Variants in KIF24 observed in about 807,000 individuals in gnomAD.
KIF24 encodes the protein kinesin-like protein KIF24.
In KIF24, 81 loss-of-function variants were observed where a neutral mutation model predicts 118.9. That is an observed-to-expected ratio of 0.68 (90% CI 0.57 to 0.82). The LOEUF (loss-of-function observed/expected upper bound fraction) is 0.82. Among genes scored for constraint, KIF24 ranks in the 40% least tolerant of loss-of-function variants. KIF24 has a pLI of 0.00. For missense variants in KIF24, 1,560 were observed against 1,661.6 expected, an observed-to-expected ratio of 0.94 and a Z score of 1.06; for synonymous variants, 599 against 610.0, an observed-to-expected ratio of 0.98 and a Z score of 0.27.
chr9:34,324,410 C>T (rs986002043), intron 1 of KIF24, among the ~76,000 whole-genome samples: 3 of 152,174 alleles, frequency 2.0e-5, no homozygotes, highest in Non-Finnish European at 4.4e-5. Context: ...AATCCCAAAA[C>T]TAATCAATAG....
chr9:34,260,540 G>A (rs918575216), intron 9 of KIF24, among the ~76,000 whole-genome samples: 2 of 152,182 alleles, frequency 1.3e-5, no homozygotes, highest in African/African-American at 2.4e-5. Context: ...GTTCACTAAC[G>A]TAGCAGTGTG....
intron 6 of KIF24, among the ~76,000 whole-genome samples, chr9:34,280,403 T>C (rs1263900584): frequency 6.6e-6 from 1 of 151,890 alleles, no homozygotes; most frequent in African/African-American, 2.4e-5. Context: ...TGAAGAGTCT[T>C]CTTCTGAGTG....
intron 1 of KIF24, among the ~76,000 whole-genome samples, chr9:34,327,488 G>A (rs1837705625): frequency 6.6e-6 from 1 of 152,098 alleles, no homozygotes; most frequent in Non-Finnish European, 1.5e-5. Flanking sequence ...TAAATAAAAT[G>A]CTATCTTAGC....
At chr9:34,332,133 G>T (rs576550041), upstream of KIF24, among the ~76,000 whole-genome samples, 1 of 152,278 alleles carries the variant, frequency 6.6e-6, no homozygotes, top group East Asian at 1.9e-4. Context: ...ATGTCAGTCT[G>T]ACCAAATTAT....
intron 6 of KIF24, among the ~76,000 whole-genome samples, chr9:34,272,425 G>A (rs537927185): frequency 6.6e-6 from 1 of 152,176 alleles, no homozygotes; most frequent in Admixed American, 6.6e-5. Flanking sequence ...ATAAGCCCAT[G>A]ATTTCCCTTG....
chr9:34,267,969 A>G (rs1191220118), intron 8 of KIF24, among the ~76,000 whole-genome samples: 1 of 152,248 alleles, frequency 6.6e-6, no homozygotes, highest in African/African-American at 2.4e-5. Context: ...ACACTGATAT[A>G]GAAAAAATGA....
Position 34,254,501 on chromosome 9 carries a change from G to A in KIF24, c.3986C>T (p.Thr1329Ile). 1 of 1,613,492 alleles carries A rather than the reference G, an allele frequency of 6.2e-7. No individual in the cohort carries two copies. Among genetic ancestry groups the A allele is most frequent in the African/African-American group, 1.3e-5 (1 of 75,000 alleles). The change falls in exon 13 of 13, where the codon ACC becomes ATC. Residue 1329 changes from threonine to isoleucine, a missense_variant. Coordinates refer to ENST00000402558, the MANE Select transcript of KIF24 (RefSeq NM_194313.4). Reference sequence around the variant, plus strand: ...CAGAACCATGATTTCATCCAGCTGGGTCACAAAATCTTCAAAATCCTGAGA... The same window carrying A: ...CAGAACCATGATTTCATCCAGCTGGATCACAAAATCTTCAAAATCCTGAGA... ...LASNDFEDFVTQLDEIMVLKS... is the reference protein window; with the variant it reads ...LASNDFEDFVIQLDEIMVLKS...
intron 6 of KIF24, among the ~76,000 whole-genome samples, chr9:34,283,486 G>A (rs937616448): frequency 6.6e-6 from 1 of 151,912 alleles, no homozygotes; most frequent in Admixed American, 6.6e-5. Context: ...TGAATGTTAC[G>A]GTATATGAAC....
intron 6 of KIF24, among the ~76,000 whole-genome samples, chr9:34,275,759 G>C (rs1287893916): frequency 6.6e-6 from 1 of 152,120 alleles, no homozygotes; most frequent in East Asian, 1.9e-4. Flanking sequence ...GGAATAGCTT[G>C]AACCCAGGAG....
intron 9 of KIF24, among the ~76,000 whole-genome samples, chr9:34,262,690 A>G (rs13287964): frequency 2.7e-3 from 83 of 31,116 alleles, no homozygotes; most frequent in Non-Finnish European, 5.1e-3. Context: ...ATATATATAT[A>G]TATATATATA....
intron 1 of KIF24, among the ~76,000 whole-genome samples, chr9:34,311,735 T>TACAC (rs1563961591): frequency 4.1e-5 from 6 of 147,494 alleles, no homozygotes; most frequent in Non-Finnish European, 5.9e-5. Flanking sequence ...CACGTATATA[T>TACAC]ATACATATAT....
Position 34,303,782 on chromosome 9 carries a change from G to A in KIF24, c.813+2470C>T, listed in dbSNP as rs147136930. ...GAGGATCATTTGAGCTCAGGAGATG[G>A]AGGTAGCAGTGAGCCAGGATCATAC... On this transcript the variant is annotated intron_variant, in intron 3 of 12. Coordinates refer to ENST00000402558, the MANE Select transcript of KIF24 (RefSeq NM_194313.4). 2.8e-3 allele frequency among the ~76,000 whole-genome samples: 430 copies of A among 152,272 alleles called. 6 individuals carry two copies. The highest frequency in any genetic ancestry group is 3.9e-3 in the Non-Finnish European group (265 of 68,016).
At chr9:34,286,468 G>T in intron 6 of KIF24, 149 bp downstream of exon 6, 2 of 580,188 alleles carry the variant, frequency 3.4e-6, no homozygotes, top group Middle Eastern at 4.3e-4. Flanking sequence ...TCTCAGAAAA[G>T]AATTCACATT....
chr9:34,333,577 C>T (rs1359191892), upstream of KIF24, among the ~76,000 whole-genome samples: 1 of 125,970 alleles, frequency 7.9e-6, no homozygotes, highest in Non-Finnish European at 1.6e-5. Flanking sequence ...GCAGTGAGCT[C>T]TTGAGGCTGC....
At chr9:34,304,708 C>T (rs1490693787) in intron 3 of KIF24, among the ~76,000 whole-genome samples, 1 of 151,946 alleles carries the variant, frequency 6.6e-6, no homozygotes, top group Non-Finnish European at 1.5e-5. Context: ...TAATTTAGTA[C>T]CAGTAGAAAG....
intron 1 of KIF24, among the ~76,000 whole-genome samples, chr9:34,327,940 T>A (rs1837730638): frequency 6.6e-6 from 1 of 151,810 alleles, no homozygotes; most frequent in Admixed American, 6.6e-5. Flanking sequence ...CCACATGTAG[T>A]GGGTTTCCAC....
At chr9:34,321,855 C>T (rs538691025) in intron 1 of KIF24, among the ~76,000 whole-genome samples, 1 of 152,138 alleles carries the variant, frequency 6.6e-6, no homozygotes, top group Admixed American at 6.5e-5. Context: ...GATCCTCTTG[C>T]CTCAGCCCCC....
intron 1 of KIF24, among the ~76,000 whole-genome samples, chr9:34,316,717 T>A (rs1837340891): frequency 1.3e-5 from 2 of 152,230 alleles, no homozygotes; most frequent in South Asian, 4.1e-4. Flanking sequence ...AAAATGTTAT[T>A]TATTGTTAAG....
chr9:34,290,475 TA>T (rs1836215606), intron 4 of KIF24, 86 bp from the exon 5 acceptor site: 2 of 792,412 alleles, frequency 2.5e-6, no homozygotes, highest in African/African-American at 3.5e-5. Context: ...AGGTCAAATG[TA>T]AACATAGAAT....
Sources: allele counts gnomAD v4.1 joint callset (sites outside exome capture counted in the v4.1 genomes callset), GRCh38; gene constraint gnomAD v4.1.1; transcripts MANE v1.5; gene names NCBI Gene and HGNC (gene_info 2026-07-23, HGNC 2026-07-21).